The following ANO2 variants were observed in gnomAD, a reference collection of about 807,000 sequenced individuals.
The protein encoded by ANO2 is anoctamin-2.
A neutral mutation model predicts 124.2 loss-of-function variants in ANO2; 101 were observed. The ratio of observed to expected loss-of-function variants is 0.81; its 90% confidence interval spans 0.69 to 0.96. The LOEUF (loss-of-function observed/expected upper bound fraction) is 0.96. Among genes scored for constraint, ANO2 ranks in the 40% least tolerant of loss-of-function variants. The probability of loss-of-function intolerance (pLI) is 0.00; values close to 1 mark genes in which losing one functional copy is unlikely to be tolerated. For missense variants in ANO2, 1,293 were observed against 1,274.5 expected, an observed-to-expected ratio of 1.01 and a Z score of -0.22; for synonymous variants, 486 against 482.5, an observed-to-expected ratio of 1.01 and a Z score of -0.09.
In ANO2 at chr12:5,655,488, G is replaced by GTGC. The variant is rs1281852933; in HGVS notation, c.1546-7690_1546-7688dup. On this transcript the variant is annotated intron_variant, in intron 14 of 24. Transcript: ENST00000682330. ...TTTAATAAGTTTTCAGGTACAGTGA[G>GTGC]TGCTGCTGCTGCTGTATTGCTGCTA... 3.9e-5 allele frequency among the ~76,000 whole-genome samples: 6 copies of GTGC among 152,168 alleles called. No homozygotes were observed. The East Asian group carries it at 5.8e-4, about 15-fold the overall frequency.
rs207472633 is a variant in ANO2 at position 5,612,704 on chromosome 12, A to G, written c.2039T>C (p.Met680Thr). Reference sequence around the variant, plus strand: ...GTTCTGGATCAACTGCTTCCCCAACATGATGATGCTGAGCTGAATGCAGAG... The same window carrying G: ...GTTCTGGATCAACTGCTTCCCCAACGTGATGATGCTGAGCTGAATGCAGAG... ...MELCIQLSII[M>T]LGKQLIQNNI... The change falls in exon 19 of 25, where the codon ATG becomes ACG. Residue 680 changes from methionine (M) to threonine (T), a missense_variant. By Grantham distance (81) the Met-to-Thr change is moderately conservative. Coordinates refer to ENST00000682330, the MANE Select transcript of ANO2 (RefSeq NM_001364791.2). 2 of 1,613,940 alleles carry G rather than the reference A, an allele frequency of 1.2e-6. No homozygotes were observed. Among genetic ancestry groups the G allele is most frequent in the South Asian group, 1.1e-5 (1 of 91,070 alleles).
chr12:5,814,551 A>T (rs2137188133), intron 7 of ANO2, among the ~76,000 whole-genome samples: 1 of 139,408 alleles, frequency 7.2e-6, no homozygotes, highest in Admixed American at 7.0e-5. Context: ...CTTTCTCCTG[A>T]CCCTTATCCC....
At chr12:5,913,029 T>C (rs1941148256) in intron 3 of ANO2, among the ~76,000 whole-genome samples, 2 of 152,234 alleles carry the variant, frequency 1.3e-5, no homozygotes, top group Middle Eastern at 3.4e-3. Flanking sequence ...ATGGAGTCAA[T>C]GGGGGCCTGG....
In ANO2 at chr12:5,838,958, A is replaced by G. The variant is rs1396563463; in HGVS notation, c.634-6355T>C. The stretch of plus-strand genomic sequence containing the variant: ...CTTCTTCATCTCCGAAGGGAAAACA[A>G]GGGAAACTCTACTTCCTACCATGAT... On this transcript the variant is annotated intron_variant, in intron 4 of 24. Transcript: ENST00000682330. 3.3e-5 allele frequency among the ~76,000 whole-genome samples: 5 copies of G among 152,230 alleles called. No homozygotes were observed. The East Asian group carries it at 9.6e-4, about 29-fold the overall frequency.
chr12:5,777,918 T>G (rs1345748786), intron 10 of ANO2, among the ~76,000 whole-genome samples: 1 of 152,154 alleles, frequency 6.6e-6, no homozygotes, highest in Non-Finnish European at 1.5e-5. Flanking sequence ...GTAAGGTGAC[T>G]CATGTGAGGG....
chr12:5,923,585 G>A (rs980944010), intron 1 of ANO2, among the ~76,000 whole-genome samples: 11 of 152,148 alleles, frequency 7.2e-5, no homozygotes, highest in Non-Finnish European at 1.3e-4. Flanking sequence ...GGGTCCTCAC[G>A]CACCTGCTGC....
chr12:5,688,517 A>T (rs1948796377), intron 14 of ANO2, among the ~76,000 whole-genome samples: 1 of 152,194 alleles, frequency 6.6e-6, no homozygotes, highest in African/African-American at 2.4e-5. Context: ...CTCCCTTATG[A>T]GGGAGGCTTA....
intron 3 of ANO2, among the ~76,000 whole-genome samples, chr12:5,898,757 G>T (rs891593849): frequency 6.6e-6 from 1 of 152,178 alleles, no homozygotes; most frequent in Non-Finnish European, 1.5e-5. Flanking sequence ...CTGGAAGGAG[G>T]CCCAAGGGGG....
At chr12:5,933,128 G>GT (rs1241400708) in intron 1 of ANO2, among the ~76,000 whole-genome samples, 7 of 152,186 alleles carry the variant, frequency 4.6e-5, no homozygotes, top group African/African-American at 1.7e-4. Context: ...GCCCTATCTG[G>GT]TGTATAGTGC....
chr12:5,832,544 C>T lies in ANO2; in HGVS notation c.693G>A (p.Lys231=), dbSNP rs1400272846. Residue 231 remains lysine (K), a synonymous_variant, in exon 5 of 25, where the codon AAG becomes AAA. Coordinates refer to ENST00000682330, the MANE Select transcript of ANO2 (RefSeq NM_001364791.2). ...IAKKFSAALQ[K]LSSHLQPRVP... is the part of the protein sequence containing the mutation. ...CTCGGGGCTGCAGGTGCGAGCTCAG[C>T]TTCTGCAGAGCCGCGCTGAACTTCT... The T allele has an allele frequency of 3.1e-6, 5 of 1,613,834 alleles. No homozygotes were observed. Among genetic ancestry groups the T allele is most frequent in the Non-Finnish European group, 4.2e-6 (5 of 1,179,890 alleles).
chr12:5,821,545 C>A lies in ANO2; in HGVS notation c.892+6224G>T, dbSNP rs551476905. ...GCAGATCCAATGGTGCTTGAGGTGTCAGTCACAGATAGGGATGCTGTTTGG... is the reference window on the plus strand; with the variant it reads ...GCAGATCCAATGGTGCTTGAGGTGTAAGTCACAGATAGGGATGCTGTTTGG... On this transcript the variant is annotated intron_variant, in intron 7 of 24. Coordinates refer to ENST00000682330, the MANE Select transcript of ANO2 (RefSeq NM_001364791.2). 1.3e-3 allele frequency among the ~76,000 whole-genome samples: 197 copies of A among 152,316 alleles called. 3 individuals are homozygous for A. The South Asian group carries it at 0.04, about 31-fold the overall frequency.
At chr12:5,931,136 A>C (rs1591809258) in intron 1 of ANO2, among the ~76,000 whole-genome samples, 1 of 152,032 alleles carries the variant, frequency 6.6e-6, no homozygotes, top group African/African-American at 2.4e-5. Context: ...GTGGTTGCCT[A>C]CTCTTCTTAG....
chr12:5,613,033 G>A (rs964048369), intron 17 of ANO2, 75 bp from the exon 18 acceptor site: 3 of 1,418,620 alleles, frequency 2.1e-6, no homozygotes, highest in Non-Finnish European at 3.0e-6. Flanking sequence ...GTCTTCTGAG[G>A]GGAATACCAC....
chr12:5,847,108 G>C (rs1954707511), intron 4 of ANO2, among the ~76,000 whole-genome samples: 1 of 152,204 alleles, frequency 6.6e-6, no homozygotes. Context: ...AGGCTGAGTA[G>C]AGCAGATTAC....
chr12:5,570,809 C>T (rs1433750162), intron 23 of ANO2, among the ~76,000 whole-genome samples: 1 of 152,200 alleles, frequency 6.6e-6, no homozygotes, highest in Non-Finnish European at 1.5e-5. Flanking sequence ...CTGAACACAA[C>T]TACATACAAT....
intron 1 of ANO2, among the ~76,000 whole-genome samples, chr12:5,934,782 C>T (rs942662622): frequency 6.6e-6 from 1 of 152,182 alleles, no homozygotes; most frequent in Non-Finnish European, 1.5e-5. Context: ...GGGCTCCCTC[C>T]GTGTCCCTCA....
chr12:5,695,458 C>A (rs1949128690), intron 14 of ANO2, among the ~76,000 whole-genome samples: 1 of 151,802 alleles, frequency 6.6e-6, no homozygotes, highest in Non-Finnish European at 1.5e-5. Context: ...ATGCCACATT[C>A]TCCAAACAAA....
chr12:5,627,052 C>A (rs1247478355), intron 16 of ANO2, among the ~76,000 whole-genome samples: 2 of 152,196 alleles, frequency 1.3e-5, no homozygotes, highest in Non-Finnish European at 2.9e-5. Context: ...GGAATTCTTA[C>A]CAGTTACACT....
chr12:5,574,455 A>G (rs1299797087), intron 23 of ANO2, among the ~76,000 whole-genome samples: 1 of 152,182 alleles, frequency 6.6e-6, no homozygotes, highest in African/African-American at 2.4e-5. Context: ...TTGAAATCAA[A>G]TTCATCATAT....
Sources: gnomAD v4.1 joint callset for allele counts (sites outside exome capture counted in the v4.1 genomes callset) on GRCh38, gnomAD v4.1.1 for gene constraint, MANE v1.5 for transcripts, NCBI Gene and HGNC (gene_info 2026-07-23, HGNC 2026-07-21) for gene names.